The following ALOX15 variants were observed in gnomAD, a reference collection of about 807,000 sequenced individuals.
ALOX15 encodes polyunsaturated fatty acid lipoxygenase ALOX15.
A neutral mutation model predicts 71.7 loss-of-function variants in ALOX15; 68 were observed. The observed-to-expected ratio is 0.95, with a 90% CI of 0.78 to 1.16. ALOX15 has a LOEUF of 1.16. Ranked by LOEUF, ALOX15 falls within the 50% of genes most tolerant of loss-of-function variation. The probability of loss-of-function intolerance (pLI) is 0.00; values close to 1 mark genes in which losing one functional copy is unlikely to be tolerated. For synonymous variants in ALOX15, 346 were observed against 333.3 expected (o/e 1.04, Z -0.42); for missense variants, 798 against 818.8 (o/e 0.97, Z 0.31).
Position 4,635,916 on chromosome 17 carries a change from T to G in ALOX15, c.1004A>C (p.Asp335Ala). 1 of 1,614,170 alleles carries G rather than the reference T, an allele frequency of 6.2e-7. No homozygotes were observed. The highest frequency in any genetic ancestry group is 8.5e-7 in the Non-Finnish European group (1 of 1,180,032). The part of the protein sequence containing the change: ...SPPPPLFLPT[D>A]PPMAWLLAKC... ...GGCCAGAAGCCAGGCCATTGGGGGA[T>G]CCGTAGGCAAGAAAAGGGGAGGTGG... is the stretch of plus-strand genomic sequence containing the variant. The change falls in exon 8 of 14, where the codon GAT becomes GCT. Residue 335 changes from aspartate to alanine, a missense_variant. Coordinates refer to ENST00000293761, the MANE Select transcript of ALOX15 (RefSeq NM_001140.5).
At chr17:4,638,459 C>T (rs1453941159) in intron 5 of ALOX15, 82 bp from the exon 6 acceptor site, 1 of 878,614 alleles carries the variant, frequency 1.1e-6, no homozygotes, top group Non-Finnish European at 1.8e-6. Context: ...TCCTTGACTC[C>T]AGCCCACCAG....
chr17:4,637,744 A>G (rs1456540543), intron 6 of ALOX15, among the ~76,000 whole-genome samples: 7 of 152,094 alleles, frequency 4.6e-5, no homozygotes, highest in African/African-American at 1.2e-4. Context: ...ATGAGCCTCA[A>G]TTTTACAGAA....
chr17:4,640,748 G>C (rs1045167904), intron 1 of ALOX15, among the ~76,000 whole-genome samples: 8 of 151,442 alleles, frequency 5.3e-5, no homozygotes, highest in Admixed American at 4.6e-4. Context: ...GGGCGGGACG[G>C]ATATTGGGCA....
chr17:4,637,847 C>T (rs1405328648), intron 6 of ALOX15, among the ~76,000 whole-genome samples: 2 of 151,990 alleles, frequency 1.3e-5, no homozygotes, highest in African/African-American at 4.8e-5. Context: ...AGCCTATCTG[C>T]CCTTAATCCC....
intron 8 of ALOX15, among the ~76,000 whole-genome samples, chr17:4,635,548 G>A (rs1023220908): frequency 4.6e-5 from 7 of 152,214 alleles, no homozygotes; most frequent in Non-Finnish European, 7.3e-5. Context: ...TATAAAAAGA[G>A]TAAGATTATT....
chr17:4,632,288 G>A lies in ALOX15; in HGVS notation c.1541-7C>T, dbSNP rs763061394. The stretch of plus-strand genomic sequence containing the variant: ...TGTAAAGAGACAGGAAACCCTGCAA[G>A]GGGTGAAGAGAGTTAGAAGCTGCGA... On this transcript the variant is annotated splice_polypyrimidine_tract_variant and splice_region_variant and intron_variant, in intron 11 of 13. Coordinates refer to ENST00000293761, the MANE Select transcript of ALOX15 (RefSeq NM_001140.5). 1.5e-5 allele frequency: 24 copies of A among 1,612,714 alleles called. No individual in the cohort carries two copies. The highest frequency in any genetic ancestry group is 1.9e-5 in the Non-Finnish European group (22 of 1,178,846).
In ALOX15 at chr17:4,630,955, C is replaced by T. The variant is rs1910874682; in HGVS notation, c.*645G>A. The T allele has an allele frequency of 6.6e-6, 1 of 152,166 alleles. No homozygotes were observed. Among genetic ancestry groups the T allele is most frequent in the African/African-American group, 2.4e-5 (1 of 41,430 alleles). The allele number at this position is 152,166 out of a possible 1,614,324, so 9.4% of individuals were successfully genotyped here. A position where few individuals can be genotyped will look rare whatever the true frequency, so the allele number is the denominator to read the frequency against. ...ATATTTTATTTAAAATAGTTCAGTC[C>T]TAGTTCTTTTCCATCTTTAGCGTAA... On this transcript the variant is annotated 3_prime_UTR_variant, in exon 14 of 14. Coordinates refer to ENST00000293761, the MANE Select transcript of ALOX15 (RefSeq NM_001140.5).
At position 4,639,503 on chromosome 17, in the gene ALOX15, G is replaced by GGCTCC. The variant is rs1435635961; in HGVS notation, c.259_263dup (p.Gly89GlufsTer20). On this transcript the variant is annotated frameshift_variant, in exon 2 of 14. Coordinates refer to ENST00000293761, the MANE Select transcript of ALOX15 (RefSeq NM_001140.5). LOFTEE classifies it high-confidence loss of function. Reference sequence around the variant, plus strand: ...AACAAGGGAACCTGACCTCGTCCCCGGCTCCGGGGCCCTGCACAGAGATCC... The same window carrying GGCTCC: ...AACAAGGGAACCTGACCTCGTCCCCGGCTCCGCTCCGGGGCCCTGCACAGAGATCC... 1 of 1,613,836 alleles carries GGCTCC rather than the reference G, an allele frequency of 6.2e-7. No individual in the cohort carries two copies. Among genetic ancestry groups the GGCTCC allele is most frequent in the African/African-American group, 1.3e-5 (1 of 74,940 alleles).
rs1481092836 is a variant in ALOX15, at chr17:4,632,950, T to C, written c.1451A>G (p.Lys484Arg). 6.2e-7 allele frequency: 1 copy of C among 1,614,132 alleles called. No individual in the cohort carries two copies. The highest frequency in any genetic ancestry group is 8.5e-7 in the Non-Finnish European group (1 of 1,180,012). Residue 484 changes from lysine to arginine, a missense_variant, in exon 11 of 14, where the codon AAG (lysine) becomes AGG (arginine). By Grantham distance (26) the Lys-to-Arg change is conservative. Transcript: ENST00000293761. ...GTCGTCTTTCACAGCCACGTCTGTC[T>C]TATAGTGGAGACTCACGATTCCTTC... ...YVEGIVSLHY[K>R]TDVAVKDDPE...
chr17:4,632,967 GA>G lies in ALOX15; in HGVS notation c.1433del (p.Ile478ThrfsTer2). 6.2e-7 allele frequency: 1 copy of G among 1,614,096 alleles called. No individual in the cohort carries two copies. Among genetic ancestry groups the G allele is most frequent in the Non-Finnish European group, 8.5e-7 (1 of 1,180,008 alleles). ...CGTCTGTCTTATAGTGGAGACTCAC[GA>G]TTCCTTCCACATACCTACCAACCAA... ...WEIIYRYVEG[I>X]VSLHYKTDVA... On this transcript the variant is annotated frameshift_variant, in exon 11 of 14. Transcript: ENST00000293761. LOFTEE classifies it high-confidence loss of function.
At position 4,632,202 on chromosome 17, in the gene ALOX15, G is replaced by A. The variant is rs552591899; in HGVS notation, c.1620C>T (p.His540=). The change falls in exon 12 of 14, where the codon CAC becomes CAT. Residue 540 remains histidine (H), a synonymous_variant. Transcript: ENST00000293761. ...GTACCTGGCCCAGGTGCACAGAGGC[G>A]TGTTGGCCGGTGCAGGTGAAGATAC... The part of the protein sequence containing the change: ...TMCIFTCTGQ[H]ASVHLGQLDW... 153 of 1,614,212 alleles carry A rather than the reference G, an allele frequency of 9.5e-5. 2 individuals are homozygous for A. The South Asian group carries it at 1.2e-3, about 12-fold the overall frequency.
intron 1 of ALOX15, 53 bp from the exon 2 acceptor site, chr17:4,639,684 C>T (rs1419604569): frequency 1.3e-6 from 2 of 1,533,892 alleles, no homozygotes; most frequent in Non-Finnish European, 1.8e-6. Context: ...GGAGGGGCAC[C>T]CGGCTGAGCC....
rs568362546 is a variant in ALOX15 at position 4,638,031 on chromosome 17, G to C, written c.807+186C>G. On this transcript the variant is annotated intron_variant, in intron 6 of 13. Coordinates refer to ENST00000293761, the MANE Select transcript of ALOX15 (RefSeq NM_001140.5). ...CCATCTTGCACGCCCTCCCTCCGCAGCTACTCTCGTGTAGGAAGGAGGCCG... is the reference window on the plus strand; with the variant it reads ...CCATCTTGCACGCCCTCCCTCCGCACCTACTCTCGTGTAGGAAGGAGGCCG... Among the ~76,000 whole-genome samples the C allele has an allele frequency of 2.6e-5, 4 of 152,350 alleles. No individual in the cohort carries two copies. The South Asian group carries it at 8.3e-4, about 32-fold the overall frequency.
chr17:4,632,128 C>A, intron 12 of ALOX15, 53 bp downstream of exon 12: 1 of 1,613,172 alleles, frequency 6.2e-7, no homozygotes, highest in East Asian at 2.2e-5. Flanking sequence ...TGCACACAGA[C>A]CCCTCCCTCA....
intron 6 of ALOX15, 114 bp from the exon 7 acceptor site, chr17:4,637,372 A>G (rs986558292): frequency 8.1e-7 from 1 of 1,233,414 alleles, no homozygotes; most frequent in Non-Finnish European, 1.1e-6. Context: ...TCTACTTTAT[A>G]CCAGGTAATG....
intron 8 of ALOX15, among the ~76,000 whole-genome samples, chr17:4,634,284 T>C (rs911218476): frequency 6.6e-6 from 1 of 152,216 alleles, no homozygotes; most frequent in Non-Finnish European, 1.5e-5. Context: ...TTATGATAAT[T>C]GAAAGAAATC....
intron 1 of ALOX15, 121 bp from the exon 2 acceptor site, chr17:4,639,752 G>C: frequency 9.9e-7 from 1 of 1,009,990 alleles, no homozygotes; most frequent in African/African-American, 1.7e-5. Context: ...GAGACGTATC[G>C]GGGTGCGGGG....
rs527619134 is a variant in ALOX15 at position 4,637,258 on chromosome 17, C to T, written c.808G>A (p.Gly270Arg). 1.4e-5 allele frequency: 23 copies of T among 1,609,202 alleles called. No individual in the cohort carries two copies. In the East Asian group the frequency reaches 4.9e-4, roughly 34 times the overall value. The stretch of plus-strand genomic sequence containing the variant: ...AAGTCAGCTTCGAACAGTGTGCCTC[C>T]CTGGGTGGGGGAAGAGGTCAAGGGC... ...LQAQLEKELE[G>R]GTLFEADFSL... Residue 270 changes from glycine (G) to arginine (R), a missense_variant and splice_region_variant, in exon 7 of 14, where the codon GGA (glycine) becomes AGA (arginine). Physicochemically the swap from Gly to Arg is moderately radical, Grantham distance 125 (BLOSUM62 -2). Coordinates refer to ENST00000293761, the MANE Select transcript of ALOX15 (RefSeq NM_001140.5).
chr17:4,632,039 C>T lies in ALOX15; in HGVS notation c.1659G>A (p.Trp553Ter). 1 of 1,611,928 alleles carries T rather than the reference C, an allele frequency of 6.2e-7. No homozygotes were observed. Among genetic ancestry groups the T allele is most frequent in the East Asian group, 2.2e-5 (1 of 44,842 alleles). Residue 553 changes from tryptophan (W) to a stop codon, truncating the protein, a stop_gained, in exon 13 of 14, where the codon TGG becomes TGA. Coordinates refer to ENST00000293761, the MANE Select transcript of ALOX15 (RefSeq NM_001140.5). LOFTEE classifies it high-confidence loss of function. The stretch of plus-strand genomic sequence containing the variant: ...GCATCGTGCAGGGTGCATTAGGCAC[C>T]CAAGAGTACCAGTCCAGCTAAGGAA... ...VHLGQLDWYS[W>*]VPNAPCTMRL...
Sources: allele counts gnomAD v4.1 joint callset (sites outside exome capture counted in the v4.1 genomes callset), GRCh38; gene constraint gnomAD v4.1.1; transcripts MANE v1.5; gene names NCBI Gene and HGNC (gene_info 2026-07-23, HGNC 2026-07-21).